PTPRA: variants seen among roughly 807,000 people sequenced by gnomAD.
PTPRA encodes protein tyrosine phosphatase receptor type A, also known as receptor-type tyrosine-protein phosphatase alpha.
PTPRA carries 25 observed loss-of-function variants against 104.8 expected under a neutral mutation model. That is an observed-to-expected ratio of 0.24 (90% CI 0.17 to 0.33). PTPRA has a LOEUF of 0.33. PTPRA is among the 10% of genes least tolerant of loss of function. The pLI, the probability that PTPRA is intolerant of heterozygous loss-of-function variation, is 1.00. For synonymous variants in PTPRA, 323 were observed against 368.9 expected (o/e 0.88, Z 1.43); for missense variants, 765 against 1,015.3 (o/e 0.75, Z 3.35).
At chr20:2,978,790 A>G (rs959679727) in intron 6 of PTPRA, among the ~76,000 whole-genome samples, 4 of 152,158 alleles carry the variant, frequency 2.6e-5, no homozygotes, top group African/African-American at 9.7e-5. Context: ...GCAGCCATAG[A>G]TGGTATGTAA....
chr20:2,942,795 A>G (rs1005030069), intron 2 of PTPRA, among the ~76,000 whole-genome samples: 1 of 151,592 alleles, frequency 6.6e-6, no homozygotes, highest in African/African-American at 2.4e-5. Context: ...TTAATATGAC[A>G]TATAATATAA....
intron 13 of PTPRA, among the ~76,000 whole-genome samples, chr20:3,020,656 G>A (rs1476850381): frequency 6.6e-6 from 1 of 152,212 alleles, no homozygotes; most frequent in East Asian, 1.9e-4. Context: ...CCAATTCTGG[G>A]TCCTGGGGTC....
chr20:2,896,400 A>G (rs1202031627), intron 1 of PTPRA, among the ~76,000 whole-genome samples: 2 of 152,112 alleles, frequency 1.3e-5, no homozygotes, highest in African/African-American at 4.8e-5. Flanking sequence ...CAAAAAACAA[A>G]CGAAAACACA....
At chr20:2,988,126 AT>A (rs769463686) in intron 8 of PTPRA, 21 bp downstream of exon 8, 1 of 1,552,048 alleles carries the variant, frequency 6.4e-7, no homozygotes, top group African/African-American at 1.4e-5. Flanking sequence ...CCTTAATGTC[AT>A]GGGGAACCTT....
chr20:2,998,716 G>A (rs979523901), intron 9 of PTPRA, among the ~76,000 whole-genome samples: 3 of 152,080 alleles, frequency 2.0e-5, no homozygotes, highest in African/African-American at 7.2e-5. Flanking sequence ...AGTATTGAAA[G>A]GAGATTCAGA....
intron 2 of PTPRA, among the ~76,000 whole-genome samples, chr20:2,946,972 T>C (rs2061159390): frequency 1.3e-5 from 2 of 152,232 alleles, no homozygotes; most frequent in South Asian, 4.2e-4. Context: ...AATGTTTTGG[T>C]TAACATGAGA....
upstream of PTPRA, among the ~76,000 whole-genome samples, chr20:2,873,108 T>C (rs2089469968): frequency 6.6e-6 from 1 of 152,190 alleles, no homozygotes. The surrounding 1 kb of genome is among the most constrained non-coding windows in gnomAD (Gnocchi z 4.4). Flanking sequence ...GTTAGGAAGA[T>C]GGCTCTCGAG....
chr20:2,865,643 G>A, the PTPRA span: 425,534 of 733,456 alleles, frequency 0.58, 130,260 homozygotes, highest in East Asian at 0.87. The surrounding 1 kb of genome is among the most constrained non-coding windows in gnomAD (Gnocchi z 5.2). Context: ...ACACATTTGT[G>A]GGCAGGCATC....
At chr20:2,878,984 T>C (rs1600043555) in intron 1 of PTPRA, among the ~76,000 whole-genome samples, 1 of 152,202 alleles carries the variant, frequency 6.6e-6, no homozygotes, top group South Asian at 2.1e-4. Flanking sequence ...GTATAAAATA[T>C]AAGGCTAGAT....
At chr20:2,938,798 TGTTTATAATGTCTTGTTTGAGCA>T (rs1377742144) in intron 2 of PTPRA, among the ~76,000 whole-genome samples, 1 of 152,186 alleles carries the variant, frequency 6.6e-6, no homozygotes. Flanking sequence ...ATATGCTGAG[TGTTTATAATGTCTTGTTTGAGCA>T]GTTTCATGAG....
At chr20:2,975,867 A>G (rs906915497) in intron 6 of PTPRA, among the ~76,000 whole-genome samples, 2 of 152,218 alleles carry the variant, frequency 1.3e-5, no homozygotes, top group Admixed American at 6.5e-5. Flanking sequence ...CTAACATTCT[A>G]AGAAGTGATT....
intron 9 of PTPRA, among the ~76,000 whole-genome samples, chr20:2,991,147 A>C (rs1389384605): frequency 3.3e-5 from 5 of 152,140 alleles, no homozygotes; most frequent in Admixed American, 2.6e-4. Context: ...TGAAGCCAGG[A>C]GTTCAAGACT....
At chr20:3,005,753 CA>C (rs2063836841) in intron 10 of PTPRA, among the ~76,000 whole-genome samples, 1 of 152,028 alleles carries the variant, frequency 6.6e-6, no homozygotes, top group Non-Finnish European at 1.5e-5. Context: ...AGGCAGGAAG[CA>C]GGGGGTAATG....
chr20:2,931,148 G>A (rs944358482), intron 2 of PTPRA, among the ~76,000 whole-genome samples: 2 of 152,104 alleles, frequency 1.3e-5, no homozygotes, highest in African/African-American at 4.8e-5. Flanking sequence ...TCAGACTGGA[G>A]ACCCAGGACT....
In PTPRA at chr20:3,015,928, C is replaced by A. The variant is rs377715655; in HGVS notation, c.943+43C>A. On this transcript the variant is annotated intron_variant, in intron 12 of 23. Coordinates refer to ENST00000399903, the MANE Select transcript of PTPRA (RefSeq NM_001385305.1). ...TTTTTCTGTTAGATTTAACCATGAT[C>A]ACATAATGGGTTTGGTTTTTTTCTC... 2.8e-5 allele frequency: 43 copies of A among 1,524,126 alleles called. 2 individuals carry two copies. The Admixed American group carries it at 3.0e-4, about 11-fold the overall frequency. 94.4% of individuals were successfully genotyped at this position (1,524,126 alleles called of 1,614,324 possible). A position where few individuals can be genotyped will look rare whatever the true frequency, so the allele number is the denominator to read the frequency against.
chr20:2,922,586 C>T lies in PTPRA; in HGVS notation c.-128-621C>T, dbSNP rs1408559405. Among the ~76,000 whole-genome samples, 3 of 152,268 alleles carry T rather than the reference C, an allele frequency of 2.0e-5. No individual in the cohort carries two copies. The East Asian group carries it at 5.8e-4, about 29-fold the overall frequency. Reference sequence around the variant, plus strand: ...AACTCCTGACTTCTCAGGTGATCCGCCTGCCTCGGCCTCCCAAAGTGCTGG... The same window carrying T: ...AACTCCTGACTTCTCAGGTGATCCGTCTGCCTCGGCCTCCCAAAGTGCTGG... On this transcript the variant is annotated intron_variant, in intron 1 of 23. Transcript: ENST00000399903.
chr20:2,925,529 G>A (rs1242943666), intron 2 of PTPRA, among the ~76,000 whole-genome samples: 1 of 151,950 alleles, frequency 6.6e-6, no homozygotes. Flanking sequence ...GAACATGGGT[G>A]TAGGCTGAGT....
chr20:2,967,543 C>A (rs188601674), intron 5 of PTPRA, among the ~76,000 whole-genome samples: 2 of 151,978 alleles, frequency 1.3e-5, no homozygotes, highest in Non-Finnish European at 2.9e-5. Flanking sequence ...TTAATACTTA[C>A]CTTATTTTTT....
chr20:2,934,108 C>G (rs990959310), intron 2 of PTPRA, among the ~76,000 whole-genome samples: 5 of 152,032 alleles, frequency 3.3e-5, no homozygotes, highest in Admixed American at 1.3e-4. Context: ...ACTAAATAAT[C>G]TATGAAAATT....
Sources: gnomAD v4.1 joint callset for allele counts (sites outside exome capture counted in the v4.1 genomes callset) on GRCh38, gnomAD v4.1.1 for gene constraint, Gnocchi (gnomAD v3.1) non-coding constraint, MANE v1.5 for transcripts, NCBI Gene and HGNC (gene_info 2026-07-23, HGNC 2026-07-21) for gene names.